ERCC4: variants seen among roughly 807,000 people sequenced by gnomAD.
ERCC4 encodes the protein DNA repair endonuclease XPF.
A neutral mutation model predicts 76.9 loss-of-function variants in ERCC4; 65 were observed. The ratio of observed to expected loss-of-function variants is 0.84; its 90% CI spans 0.69 to 1.04. The LOEUF (loss-of-function observed/expected upper bound fraction) is 1.04, where lower values mean the gene tolerates loss of function less well. ERCC4 is among the 50% of genes least tolerant of loss of function. The probability of loss-of-function intolerance (pLI) is 0.00; values close to 1 mark genes in which losing one functional copy is unlikely to be tolerated. For missense variants in ERCC4, 1,214 were observed against 1,128.2 expected (o/e 1.08, Z -1.09); for synonymous variants, 463 against 410.1 (o/e 1.13, Z -1.56).
rs1596616470 is a variant in ERCC4 at position 13,920,215 on chromosome 16, A to G, written c.50A>G (p.Glu17Gly). ...ARRIAMAPLL[E>G]YERQLVLELL... is the part of the protein sequence containing the mutation. The stretch of plus-strand genomic sequence containing the variant: ...CGGATTGCCATGGCGCCGCTGCTGG[A>G]GTACGAGCGACAGCTGGTGCTGGAA... The change falls in exon 1 of 11, where the codon GAG becomes GGG. Residue 17 changes from glutamate (E) to glycine (G), a missense_variant. Transcript: ENST00000311895. 6.2e-7 allele frequency: 1 copy of G among 1,607,734 alleles called. No individual in the cohort carries two copies. Among genetic ancestry groups the G allele is most frequent in the Non-Finnish European group, 8.5e-7 (1 of 1,179,936 alleles).
chr16:13,945,103 T>G (rs2032490326), intron 10 of ERCC4, among the ~76,000 whole-genome samples: 1 of 152,224 alleles, frequency 6.6e-6, no homozygotes, highest in South Asian at 2.1e-4. Context: ...TGTTCCAGCA[T>G]TTCCTTTATA....
Position 13,948,217 on chromosome 16 carries a change from C to T in ERCC4, c.2621C>T (p.Ala874Val), listed in dbSNP as rs766946690. The T allele has an allele frequency of 2.5e-6, 4 of 1,614,152 alleles. No individual in the cohort carries two copies. The highest frequency in any genetic ancestry group is 3.3e-5 in the Admixed American group (2 of 60,026). The change falls in exon 11 of 11, where the codon GCA (alanine) becomes GTA (valine). Residue 874 changes from alanine to valine, a missense_variant. Transcript: ENST00000311895. ...RSLMHHVKNI[A>V]ELAALSQDEL... The stretch of plus-strand genomic sequence containing the variant: ...TTGATGCACCACGTTAAGAACATCG[C>T]AGAATTAGCAGCCCTGTCACAAGAC...
chr16:13,933,880 C>G (rs1228032310), intron 6 of ERCC4: 6 of 250,656 alleles, frequency 2.4e-5, no homozygotes, highest in Non-Finnish European at 3.8e-5. Flanking sequence ...TGTACCGATG[C>G]CTTTGTTTTG....
chr16:13,920,855 C>T (rs1301973341), intron 1 of ERCC4, among the ~76,000 whole-genome samples: 1 of 151,208 alleles, frequency 6.6e-6, no homozygotes, highest in African/African-American at 2.4e-5. Context: ...GAAGGGGTCC[C>T]GAGAAGGATG....
chr16:13,949,834 G>A lies in ERCC4; in HGVS notation c.*1487G>A, dbSNP rs1200637094. ...ACCTCAGGAGCTGATATAGACATCA[G>A]TTCTGCTAGCCATATCACATATTTT... is the stretch of plus-strand genomic sequence containing the variant. On this transcript the variant is annotated 3_prime_UTR_variant, in exon 11 of 11. Transcript: ENST00000311895. 1 of 232,502 alleles carries A rather than the reference G, an allele frequency of 4.3e-6. No homozygotes were observed. The highest frequency in any genetic ancestry group is 5.6e-5 in the Admixed American group (1 of 17,784). The allele number at this position is 232,502 out of a possible 1,614,324, so 14.4% of individuals were successfully genotyped here.
chr16:13,920,992 A>C (rs1481762275), intron 1 of ERCC4, among the ~76,000 whole-genome samples: 1 of 152,128 alleles, frequency 6.6e-6, no homozygotes, highest in African/African-American at 2.4e-5. Flanking sequence ...AGGTCGCTGC[A>C]GGGGAGGGGG....
At position 13,948,011 on chromosome 16, in the gene ERCC4, T is replaced by C; in HGVS notation, c.2415T>C (p.Ser805=). Residue 805 remains serine (S), a synonymous_variant, in exon 11 of 11, where the codon TCT becomes TCC. Coordinates refer to ENST00000311895, the MANE Select transcript of ERCC4 (RefSeq NM_005236.3). ...GACTACGGATTCTCTGGTGCCCCTC[T>C]CCTCATGCAACGGCGGAGTTGTTTG... The part of the protein sequence containing the change: ...FPRLRILWCP[S]PHATAELFEE... 2 of 1,614,126 alleles carry C rather than the reference T, an allele frequency of 1.2e-6. No individual in the cohort carries two copies. Among genetic ancestry groups the C allele is most frequent in the Non-Finnish European group, 1.7e-6 (2 of 1,180,018 alleles).
intron 9 of ERCC4, among the ~76,000 whole-genome samples, chr16:13,938,107 T>C (rs1456021580): frequency 6.6e-6 from 1 of 152,164 alleles, no homozygotes; most frequent in Non-Finnish European, 1.5e-5. Flanking sequence ...ATTAGAAATG[T>C]GACAAAGACA....
At position 13,950,770 on chromosome 16, in the gene ERCC4, A is replaced by G. The variant is rs886051676; in HGVS notation, c.*2423A>G. 7 of 193,952 alleles carry G rather than the reference A, an allele frequency of 3.6e-5. No homozygotes were observed. The highest frequency in any genetic ancestry group is 1.7e-3 in the Middle Eastern group (1 of 580). The allele number at this position is 193,952 out of a possible 1,614,324, so 12.0% of individuals were successfully genotyped here. A position where few individuals can be genotyped will look rare whatever the true frequency, so the allele number is the denominator to read the frequency against. ...AATTGTTGTTTCATTATATAAAAGG[A>G]ACATCTTCCCATAGCATATTCTATG... On this transcript the variant is annotated 3_prime_UTR_variant, in exon 11 of 11. Transcript: ENST00000311895.
rs9929524 is a variant in ERCC4, at chr16:13,948,358, C to T, written c.*11C>T. 7,198 of 1,606,426 alleles carry T rather than the reference C, an allele frequency of 4.5e-3. 275 individuals are homozygous for T. In the African/African-American group the frequency reaches 0.085, roughly 19 times the overall value. Reference sequence around the variant, plus strand: ...AAAGGGAAAAAGTGAACAGTGATGGCTGTTTTCTTATCCCATGCCTGTACT... The same window carrying T: ...AAAGGGAAAAAGTGAACAGTGATGGTTGTTTTCTTATCCCATGCCTGTACT... On this transcript the variant is annotated 3_prime_UTR_variant, in exon 11 of 11. Transcript: ENST00000311895.
At chr16:13,925,971 GA>G (rs2032064798) in intron 2 of ERCC4, among the ~76,000 whole-genome samples, 1 of 152,112 alleles carries the variant, frequency 6.6e-6, no homozygotes, top group Non-Finnish European at 1.5e-5. Flanking sequence ...TATGTCGATT[GA>G]AGGTTTTTGT....
At chr16:13,926,009 T>G (rs1023568354) in intron 2 of ERCC4, among the ~76,000 whole-genome samples, 3 of 152,206 alleles carry the variant, frequency 2.0e-5, no homozygotes, top group Non-Finnish European at 4.4e-5. Context: ...TACCTCTGAA[T>G]TGACTATCTT....
rs1233148817 is a variant in ERCC4, at chr16:13,949,198, AT to A, written c.*856del. ...GATGAAGGAGCTCTTAGAATTCTCAATTTTTGCACATATTCAGTCTCCTAAT... is the reference window on the plus strand; with the variant it reads ...GATGAAGGAGCTCTTAGAATTCTCAATTTTGCACATATTCAGTCTCCTAAT... On this transcript the variant is annotated 3_prime_UTR_variant, in exon 11 of 11. Coordinates refer to ENST00000311895, the MANE Select transcript of ERCC4 (RefSeq NM_005236.3). 1 of 233,078 alleles carries A rather than the reference AT, an allele frequency of 4.3e-6. No individual in the cohort carries two copies. 14.4% of individuals were successfully genotyped at this position (233,078 alleles called of 1,614,324 possible).
Position 13,949,521 on chromosome 16 carries a change from TG to T in ERCC4, c.*1175del. On this transcript the variant is annotated 3_prime_UTR_variant, in exon 11 of 11. Coordinates refer to ENST00000311895, the MANE Select transcript of ERCC4 (RefSeq NM_005236.3). Reference sequence around the variant, plus strand: ...CTGTGAGGACTCAAATACAAGCCAATGAGTGGCCCACTAAGCTTTTAAGATT... The same window carrying T: ...CTGTGAGGACTCAAATACAAGCCAATAGTGGCCCACTAAGCTTTTAAGATT... The T allele has an allele frequency of 4.3e-6, 1 of 233,100 alleles. No homozygotes were observed. Among genetic ancestry groups the T allele is most frequent in the East Asian group, 6.0e-5 (1 of 16,544 alleles). 14.4% of individuals were successfully genotyped at this position (233,100 alleles called of 1,614,324 possible). A position where few individuals can be genotyped will look rare whatever the true frequency, so the allele number is the denominator to read the frequency against.
rs2032642059 is a variant in ERCC4 at position 13,952,332 on chromosome 16, A to G, written c.*3985A>G. On this transcript the variant is annotated 3_prime_UTR_variant, in exon 11 of 11. Transcript: ENST00000311895. The stretch of plus-strand genomic sequence containing the variant: ...GTTATGCAGAATAAACAAGGCAGAA[A>G]TGCTCTTTGAACCACTGCTTTTGCT... 5.5e-6 allele frequency: 1 copy of G among 181,376 alleles called. No individual in the cohort carries two copies. Among genetic ancestry groups the G allele is most frequent in the African/African-American group, 2.4e-5 (1 of 42,482 alleles). The allele number at this position is 181,376 out of a possible 1,614,324, so 11.2% of individuals were successfully genotyped here. A position where few individuals can be genotyped will look rare whatever the true frequency, so the allele number is the denominator to read the frequency against.
intron 7 of ERCC4, 155 bp from the exon 8 acceptor site, chr16:13,934,967 GCCAGAGAGGAGAAAGCATTTGATC>G: frequency 1.7e-6 from 1 of 587,678 alleles, no homozygotes; most frequent in Non-Finnish European, 3.0e-6. Context: ...AAGTAATCTT[GCCAGAGAGGAGAAAGCATTTGATC>G]AATACCTAAG....
chr16:13,947,636 A>C lies in ERCC4; in HGVS notation c.2040A>C (p.Thr680=). ...TAGGTGGCCAGGAACAGAATGGTAC[A>C]CAGCAAAGCATAGTTGTGGATATGC... ...RKAGGQEQNG[T]QQSIVVDMRE... Residue 680 remains threonine, a synonymous_variant, in exon 11 of 11, where the codon ACA becomes ACC. Transcript: ENST00000311895. The C allele has an allele frequency of 6.2e-7, 1 of 1,614,236 alleles. No individual in the cohort carries two copies. The highest frequency in any genetic ancestry group is 8.5e-7 in the Non-Finnish European group (1 of 1,180,044).
At chr16:13,942,046 C>T (rs1235765999) in intron 9 of ERCC4, among the ~76,000 whole-genome samples, 1 of 152,094 alleles carries the variant, frequency 6.6e-6, no homozygotes, top group Non-Finnish European at 1.5e-5. Context: ...TGTGAGAATC[C>T]ATCTCAATTT....
intron 9 of ERCC4, among the ~76,000 whole-genome samples, chr16:13,938,418 G>A (rs2032348420): frequency 6.6e-6 from 1 of 152,130 alleles, no homozygotes; most frequent in Non-Finnish European, 1.5e-5. Flanking sequence ...AGTAGAAAAT[G>A]CCCTTCCATT....
Sources: gnomAD v4.1 joint callset for allele counts (sites outside exome capture counted in the v4.1 genomes callset) on GRCh38, gnomAD v4.1.1 for gene constraint, MANE v1.5 for transcripts, NCBI Gene and HGNC (gene_info 2026-07-23, HGNC 2026-07-21) for gene names.